Variants in SLCO3A1 observed in about 807,000 individuals in gnomAD.
The protein encoded by SLCO3A1 is solute carrier organic anion transporter family member 3A1, also known as PGE1 transporter.
SLCO3A1 carries 27 observed loss-of-function variants against 63.1 expected under a neutral mutation model. The observed-to-expected ratio is 0.43, with a 90% CI of 0.32 to 0.59. The LOEUF is 0.59. Ranked by LOEUF, SLCO3A1 falls within the 20% of genes least tolerant of loss-of-function variation. The pLI, the probability that SLCO3A1 is intolerant of heterozygous loss-of-function variation, is 0.09. For missense variants in SLCO3A1, 773 were observed against 945.8 expected (o/e 0.82, Z 2.40); for synonymous variants, 473 against 409.9 (o/e 1.15, Z -1.86).
At chr15:92,144,762 A>C (rs954488984) in intron 7 of SLCO3A1, among the ~76,000 whole-genome samples, 19 of 152,346 alleles carry the variant, frequency 1.2e-4, no homozygotes, top group African/African-American at 4.6e-4. Flanking sequence ...TTCCAGCCTT[A>C]GGCGGGACAG....
intron 2 of SLCO3A1, among the ~76,000 whole-genome samples, chr15:92,013,386 CT>C (rs1262519404): frequency 6.6e-6 from 1 of 152,200 alleles, no homozygotes; most frequent in Non-Finnish European, 1.5e-5. Flanking sequence ...GTGGCCTATT[CT>C]TTGGGCCAGG....
At chr15:92,082,507 G>C (rs943272205) in intron 2 of SLCO3A1, among the ~76,000 whole-genome samples, 10 of 152,142 alleles carry the variant, frequency 6.6e-5, no homozygotes, top group Admixed American at 3.3e-4. Flanking sequence ...CCTCCCACTT[G>C]CGAGAACCAT....
intron 1 of SLCO3A1, among the ~76,000 whole-genome samples, chr15:91,910,707 T>C (rs1898457901): frequency 6.6e-6 from 1 of 152,250 alleles, no homozygotes; most frequent in Admixed American, 6.5e-5. Context: ...CAGGCTGCTC[T>C]GGTGTAAACA....
intron 2 of SLCO3A1, among the ~76,000 whole-genome samples, chr15:91,932,309 A>C (rs951577059): frequency 6.6e-6 from 1 of 152,224 alleles, no homozygotes; most frequent in African/African-American, 2.4e-5. Flanking sequence ...AAAATTAAAA[A>C]GGATGGTTGA....
rs533292632 is a variant in SLCO3A1 at position 91,948,121 on chromosome 15, A to G, written c.646+31663A>G. On this transcript the variant is annotated intron_variant, in intron 2 of 9. Coordinates refer to ENST00000318445, the MANE Select transcript of SLCO3A1 (RefSeq NM_013272.4). The surrounding 1 kb of genome is among the most constrained non-coding windows in gnomAD (Gnocchi z 4.8). ...TTCCTTGCTCAGCTTTCCACACCCT[A>G]ATAAAAGTCTGAGCCAGAAAGTGGG... Among the ~76,000 whole-genome samples the G allele has an allele frequency of 2.4e-4, 37 of 152,298 alleles. No homozygotes were observed. Among genetic ancestry groups the G allele is most frequent in the African/African-American group, 8.7e-4 (36 of 41,576 alleles).
Position 92,157,431 on chromosome 15 carries a change from C to A in SLCO3A1, c.1754-5325C>A, listed in dbSNP as rs369865470. Among the ~76,000 whole-genome samples, 116 of 151,706 alleles carry A rather than the reference C, an allele frequency of 7.6e-4. 1 individual carries two copies. Among genetic ancestry groups the A allele is most frequent in the African/African-American group, 2.2e-3 (91 of 41,042 alleles). On this transcript the variant is annotated intron_variant, in intron 9 of 9. Transcript: ENST00000318445. Reference sequence around the variant, plus strand: ...GACACTAAAGTACACCTGGCCCCCCCCCTTGTCCTCCCTTCTGGACACACC... The same window carrying A: ...GACACTAAAGTACACCTGGCCCCCCACCTTGTCCTCCCTTCTGGACACACC...
At chr15:91,928,593 C>T (rs193194842) in intron 2 of SLCO3A1, among the ~76,000 whole-genome samples, 11 of 152,330 alleles carry the variant, frequency 7.2e-5, no homozygotes, top group Admixed American at 7.2e-4. Flanking sequence ...AACCCAACTA[C>T]CTAAATAGGT....
intron 2 of SLCO3A1, among the ~76,000 whole-genome samples, chr15:92,092,710 A>G (rs1425131171): frequency 6.6e-6 from 1 of 151,402 alleles, no homozygotes; most frequent in Non-Finnish European, 1.5e-5. Flanking sequence ...CCTAACCACA[A>G]CCCCACTAAA....
intron 2 of SLCO3A1, among the ~76,000 whole-genome samples, chr15:92,024,903 A>G (rs1331083401): frequency 4.6e-5 from 7 of 151,980 alleles, no homozygotes; most frequent in Non-Finnish European, 1.5e-5. Context: ...CTACCTACCC[A>G]TCCATCCTCC....
At chr15:91,913,519 A>G (rs1315686730) in intron 1 of SLCO3A1, among the ~76,000 whole-genome samples, 2 of 152,242 alleles carry the variant, frequency 1.3e-5, no homozygotes, top group Admixed American at 1.3e-4. Context: ...AGGATTGAGA[A>G]CCACTAGGCT....
chr15:91,911,388 G>C (rs925240283), intron 1 of SLCO3A1, among the ~76,000 whole-genome samples: 4 of 152,122 alleles, frequency 2.6e-5, no homozygotes, highest in Non-Finnish European at 5.9e-5. Context: ...TAGCTTGTTA[G>C]AAACGCATAG....
chr15:92,151,708 T>C (rs2048308329), intron 9 of SLCO3A1, among the ~76,000 whole-genome samples: 1 of 152,234 alleles, frequency 6.6e-6, no homozygotes, highest in South Asian at 2.1e-4. Context: ...AGCATTCTTT[T>C]GTTAAGGCCA....
At chr15:91,947,279 G>A (rs1243963830) in intron 2 of SLCO3A1, among the ~76,000 whole-genome samples, 4 of 152,178 alleles carry the variant, frequency 2.6e-5, no homozygotes, top group African/African-American at 7.2e-5. Flanking sequence ...ATATGGTGAC[G>A]ATGACATAGG....
chr15:92,139,806 G>T (rs372364903), intron 7 of SLCO3A1, among the ~76,000 whole-genome samples: 30 of 150,874 alleles, frequency 2.0e-4, no homozygotes, highest in South Asian at 1.5e-3. Context: ...TGTATTTCTG[G>T]GGGATCGGTG....
At chr15:91,957,262 C>T (rs186907563) in intron 2 of SLCO3A1, among the ~76,000 whole-genome samples, 64 of 141,688 alleles carry the variant, frequency 4.5e-4, no homozygotes, top group African/African-American at 1.5e-3. Context: ...CATGAACCAC[C>T]GGACCTGGCT....
At chr15:91,964,654 G>C (rs754954904) in intron 2 of SLCO3A1, among the ~76,000 whole-genome samples, 2 of 152,104 alleles carry the variant, frequency 1.3e-5, no homozygotes, top group Non-Finnish European at 2.9e-5. Flanking sequence ...CCACAGCTCC[G>C]TCCCATCTCT....
At chr15:91,993,623 T>C (rs2046154044) in intron 2 of SLCO3A1, among the ~76,000 whole-genome samples, 1 of 152,188 alleles carries the variant, frequency 6.6e-6, no homozygotes, top group African/African-American at 2.4e-5. Flanking sequence ...TCCATTTTTG[T>C]TTTTAATTTA....
At chr15:92,144,592 T>C (rs1328632606) in intron 7 of SLCO3A1, among the ~76,000 whole-genome samples, 2 of 152,178 alleles carry the variant, frequency 1.3e-5, no homozygotes, top group Non-Finnish European at 2.9e-5. Flanking sequence ...GTGTCTGTGG[T>C]TTCTCAAAAT....
In SLCO3A1 at chr15:91,865,976, C is replaced by T. The variant is rs1440886434; in HGVS notation, c.180+11888C>T. On this transcript the variant is annotated intron_variant, in intron 1 of 9. Transcript: ENST00000318445. This position sits in a 1 kb window ranked among gnomAD's most constrained non-coding sequence, Gnocchi z 4.6. ...TGAGGTAGGAGGATTGTTGGATATTCGTAAGAGAGTCGTTCATACCCAAAG... is the reference window on the plus strand; with the variant it reads ...TGAGGTAGGAGGATTGTTGGATATTTGTAAGAGAGTCGTTCATACCCAAAG... Among the ~76,000 whole-genome samples the T allele has an allele frequency of 9.2e-5, 14 of 152,146 alleles. No homozygotes were observed. Among genetic ancestry groups the T allele is most frequent in the Admixed American group, 7.2e-4 (11 of 15,284 alleles).
Sources: allele counts gnomAD v4.1 joint callset (sites outside exome capture counted in the v4.1 genomes callset), GRCh38; gene constraint gnomAD v4.1.1; non-coding constraint Gnocchi (gnomAD v3.1); transcripts MANE v1.5; gene names NCBI Gene and HGNC (gene_info 2026-07-23, HGNC 2026-07-21).